Variants in NCOA6 observed in about 807,000 individuals in gnomAD.
NCOA6 encodes the protein NRC RAP250.
NCOA6 carries 49 observed loss-of-function variants against 171.4 expected under a neutral mutation model. The ratio of observed to expected loss-of-function variants is 0.29; its 90% CI spans 0.23 to 0.36. The LOEUF is 0.36. Among genes scored for constraint, NCOA6 ranks in the 10% least tolerant of loss-of-function variants. The pLI is 1.00. For synonymous variants in NCOA6, 910 were observed against 927.5 expected, an observed-to-expected ratio of 0.98 and a Z score of 0.34; for missense variants, 2,248 against 2,554.5, an observed-to-expected ratio of 0.88 and a Z score of 2.59.
rs199586677 is a variant in NCOA6, at chr20:34,777,984, T to C, written c.236-1536A>G. Among the ~76,000 whole-genome samples the C allele has an allele frequency of 2.6e-5, 4 of 152,174 alleles. No homozygotes were observed. In the East Asian group the frequency reaches 7.7e-4, roughly 29 times the overall value. On this transcript the variant is annotated intron_variant, in intron 3 of 14. Coordinates refer to ENST00000359003, the MANE Select transcript of NCOA6 (RefSeq NM_014071.5). ...GTGCAATGGCATGATCTTGGCTCACTGCAACCTCCGCCTCCCAGGTTCGAG... is the reference window on the plus strand; with the variant it reads ...GTGCAATGGCATGATCTTGGCTCACCGCAACCTCCGCCTCCCAGGTTCGAG...
intron 1 of NCOA6, among the ~76,000 whole-genome samples, chr20:34,794,561 A>C (rs1177409420): frequency 5.3e-5 from 8 of 152,150 alleles, no homozygotes; most frequent in Non-Finnish European, 1.2e-4. Context: ...ACACAAAAAG[A>C]TCTCCAAGAT....
At chr20:34,774,413 T>C (rs1431166702) in intron 4 of NCOA6, among the ~76,000 whole-genome samples, 1 of 152,268 alleles carries the variant, frequency 6.6e-6, no homozygotes, top group African/African-American at 2.4e-5. Flanking sequence ...CTTAAGCCAC[T>C]ATTCTCTCAT....
intron 13 of NCOA6, 54 bp from the exon 14 acceptor site, chr20:34,727,461 A>G: frequency 1.9e-6 from 3 of 1,586,450 alleles, no homozygotes; most frequent in Non-Finnish European, 2.6e-6. Context: ...AGGCCACACA[A>G]AAAACGGGCT....
At chr20:34,723,772 C>G (rs954906556) in intron 14 of NCOA6, among the ~76,000 whole-genome samples, 2 of 152,190 alleles carry the variant, frequency 1.3e-5, no homozygotes, top group African/African-American at 4.8e-5. Context: ...CAGAGCGGTT[C>G]TAGTTTGAGC....
At chr20:34,776,903 G>C (rs1042600449) in intron 3 of NCOA6, 3 of 387,786 alleles carry the variant, frequency 7.7e-6, no homozygotes, top group Admixed American at 3.7e-5. Context: ...TGGATCACGA[G>C]GTCAGGAGTT....
rs576832260 is a variant in NCOA6, at chr20:34,788,389, T to A, written c.-50+4061A>T. On this transcript the variant is annotated intron_variant, in intron 2 of 14. Coordinates refer to ENST00000359003, the MANE Select transcript of NCOA6 (RefSeq NM_014071.5). ...TATACCTACTTTTAAGCATGTAGAT[T>A]AACAGGTGGTTTATGCAGAAATTGC... is the stretch of plus-strand genomic sequence containing the variant. Among the ~76,000 whole-genome samples the A allele has an allele frequency of 3.6e-4, 55 of 152,264 alleles. No individual in the cohort carries two copies. The South Asian group carries it at 3.7e-3, about 10-fold the overall frequency.
Position 34,742,449 on chromosome 20 carries a change from G to A in NCOA6, c.3807C>T (p.Gly1269=). The change falls in exon 11 of 15, where the codon GGC becomes GGT. Residue 1269 remains glycine, a synonymous_variant. Coordinates refer to ENST00000359003, the MANE Select transcript of NCOA6 (RefSeq NM_014071.5). ...TTGGATTTAGGCCTTGTTGATCAAA[G>A]CCCCTGTTTAAATTTGGCCTAGGAG... is the stretch of plus-strand genomic sequence containing the variant. ...PLPPRPNLNR[G]FDQQGLNPTT... is the part of the protein sequence containing the mutation. The A allele has an allele frequency of 6.2e-7, 1 of 1,614,204 alleles. No homozygotes were observed. The highest frequency in any genetic ancestry group is 8.5e-7 in the Non-Finnish European group (1 of 1,180,026).
intron 1 of NCOA6, among the ~76,000 whole-genome samples, chr20:34,795,901 T>C (rs2078051243): frequency 6.6e-6 from 1 of 152,154 alleles, no homozygotes. Context: ...GTTTTCAAAT[T>C]ATTCAACAAA....
In NCOA6 at chr20:34,743,263, G is replaced by A; in HGVS notation, c.2993C>T (p.Pro998Leu). ...PQLMQHVAPP[P>L]QPPQQQPQPQ... is the part of the protein sequence containing the mutation. The stretch of plus-strand genomic sequence containing the variant: ...CTGTGGCTGCTGCTGTGGTGGCTGT[G>A]GTGGGGGTGCCACATGCTGCATGAG... Residue 998 changes from proline (P) to leucine (L), a missense_variant, in exon 11 of 15, where the codon CCA becomes CTA. Transcript: ENST00000359003. The A allele has an allele frequency of 6.2e-7, 1 of 1,613,956 alleles. No individual in the cohort carries two copies. Among genetic ancestry groups the A allele is most frequent in the Non-Finnish European group, 8.5e-7 (1 of 1,179,978 alleles).
intron 10 of NCOA6, among the ~76,000 whole-genome samples, chr20:34,744,205 C>T (rs1018706944): frequency 1.1e-4 from 16 of 152,114 alleles, no homozygotes; most frequent in African/African-American, 3.4e-4. Context: ...GCATAGCCCT[C>T]AGGAATAAAA....
rs764463169 is a variant in NCOA6, at chr20:34,782,119, AC to A, written c.235+1del. ...GAAGAAAAAATAATTAAAGCAAATTACCCATGTGTAACAAATTGGGCACGTT... is the reference window on the plus strand; with the variant it reads ...GAAGAAAAAATAATTAAAGCAAATTACCATGTGTAACAAATTGGGCACGTT... On this transcript the variant is annotated splice_donor_variant, in intron 3 of 14. Coordinates refer to ENST00000359003, the MANE Select transcript of NCOA6 (RefSeq NM_014071.5). LOFTEE classifies it high-confidence loss of function. 6.4e-7 allele frequency: 1 copy of A among 1,554,212 alleles called. No individual in the cohort carries two copies. Among genetic ancestry groups the A allele is most frequent in the Non-Finnish European group, 8.8e-7 (1 of 1,135,738 alleles).
At chr20:34,748,126 T>C (rs1290783060) in intron 9 of NCOA6, among the ~76,000 whole-genome samples, 2 of 152,092 alleles carry the variant, frequency 1.3e-5, no homozygotes, top group African/African-American at 2.4e-5. Flanking sequence ...CTGGTGAAGA[T>C]GGCAAAAAAT....
At chr20:34,796,825 A>T (rs963507403) in intron 1 of NCOA6, among the ~76,000 whole-genome samples, 33 of 102,050 alleles carry the variant, frequency 3.2e-4, no homozygotes, top group African/African-American at 1.1e-3. Context: ...GTCTCAAATT[A>T]AAAAAAAAAA....
At chr20:34,825,042 T>C (rs372789969) in intron 1 of NCOA6, among the ~76,000 whole-genome samples, 22 of 152,154 alleles carry the variant, frequency 1.4e-4, no homozygotes, top group African/African-American at 5.1e-4. Context: ...TCTCAGCCCA[T>C]AGACCCCAAT....
Position 34,736,727 on chromosome 20 carries a change from A to G in NCOA6, c.5925T>C (p.Thr1975=). ...CAGAGGCCTGCAGTGCTGTGGTTGA[A>G]GTTTCCTTTGAGACTAAATTCTGCG... The part of the protein sequence containing the change: ...APSQNLVSKE[T]STTALQASVA... The change falls in exon 12 of 15, where the codon ACT becomes ACC. Residue 1975 remains threonine, a synonymous_variant. Transcript: ENST00000359003. 1 of 1,612,004 alleles carries G rather than the reference A, an allele frequency of 6.2e-7. No individual in the cohort carries two copies. Among genetic ancestry groups the G allele is most frequent in the Non-Finnish European group, 8.5e-7 (1 of 1,178,872 alleles).
At chr20:34,794,020 T>C (rs1385660880) in intron 1 of NCOA6, among the ~76,000 whole-genome samples, 2 of 152,184 alleles carry the variant, frequency 1.3e-5, no homozygotes, top group Admixed American at 1.3e-4. Context: ...ACTCCAAAAA[T>C]TTGATAATTT....
intron 6 of NCOA6, 76 bp downstream of exon 6, chr20:34,758,729 C>T: frequency 6.5e-7 from 1 of 1,531,448 alleles, no homozygotes; most frequent in Non-Finnish European, 8.8e-7. Context: ...AATTCAGCAT[C>T]AGAGATAACT....
intron 1 of NCOA6, among the ~76,000 whole-genome samples, chr20:34,824,995 C>T (rs2079108498): frequency 2.0e-5 from 3 of 152,138 alleles, no homozygotes; most frequent in African/African-American, 7.2e-5. Context: ...GCTCTAACAC[C>T]GCCTAAGGCC....
intron 14 of NCOA6, among the ~76,000 whole-genome samples, chr20:34,724,618 G>A (rs1038022625): frequency 6.6e-6 from 1 of 152,088 alleles, no homozygotes; most frequent in African/African-American, 2.4e-5. Context: ...TCATTCTTCA[G>A]GTCTCAGCTT....
Sources: gnomAD v4.1 joint callset for allele counts (sites outside exome capture counted in the v4.1 genomes callset) on GRCh38, gnomAD v4.1.1 for gene constraint, MANE v1.5 for transcripts, NCBI Gene and HGNC (gene_info 2026-07-23, HGNC 2026-07-21) for gene names.